Variants in LRRC4C observed in about 807,000 individuals in gnomAD.
LRRC4C encodes leucine-rich repeat-containing protein 4C.
A neutral mutation model predicts 33.6 loss-of-function variants in LRRC4C; 5 were observed. The ratio of observed to expected loss-of-function variants is 0.15; its 90% confidence interval spans 0.08 to 0.31. LRRC4C has a LOEUF of 0.31. LRRC4C is among the 10% of genes least tolerant of loss of function. The pLI is 1.00. For synonymous variants in LRRC4C, 329 were observed against 302.0 expected (o/e 1.09, Z -0.93); for missense variants, 560 against 796.7 (o/e 0.70, Z 3.58).
At chr11:40,744,743 C>T (rs1049733961) in intron 2 of LRRC4C, among the ~76,000 whole-genome samples, 2 of 152,236 alleles carry the variant, frequency 1.3e-5, no homozygotes, top group South Asian at 4.1e-4. Flanking sequence ...AAGGTTATAT[C>T]AATGGCAATG....
chr11:41,427,163 G>T (rs1460176784), intron 1 of LRRC4C, among the ~76,000 whole-genome samples: 1 of 152,134 alleles, frequency 6.6e-6, no homozygotes, highest in Non-Finnish European at 1.5e-5. Flanking sequence ...CTTTCTATAA[G>T]CATTTGAAAT....
At chr11:41,045,508 T>C (rs1242267407) in intron 1 of LRRC4C, among the ~76,000 whole-genome samples, 1 of 152,166 alleles carries the variant, frequency 6.6e-6, no homozygotes, top group Non-Finnish European at 1.5e-5. Context: ...TTTAATCTGT[T>C]ATGTCCAACT....
chr11:41,335,912 CCA>C (rs957692833), intron 1 of LRRC4C, among the ~76,000 whole-genome samples: 16 of 152,124 alleles, frequency 1.1e-4, no homozygotes, highest in African/African-American at 3.4e-4. Flanking sequence ...ATTTGTATTC[CCA>C]CACAGTGTCT....
chr11:40,613,570 A>G (rs2135901589), intron 3 of LRRC4C, among the ~76,000 whole-genome samples: 1 of 151,894 alleles, frequency 6.6e-6, no homozygotes, highest in South Asian at 2.1e-4. Flanking sequence ...GCTGGAAACA[A>G]CTTCTTCCAA....
intron 1 of LRRC4C, among the ~76,000 whole-genome samples, chr11:41,361,254 T>C (rs749377282): frequency 1.3e-5 from 2 of 152,206 alleles, no homozygotes; most frequent in African/African-American, 2.4e-5. Flanking sequence ...TTGTCTATTG[T>C]TGCCATTTTC....
At chr11:40,534,836 A>G (rs1315900687) in intron 3 of LRRC4C, among the ~76,000 whole-genome samples, 1 of 152,208 alleles carries the variant, frequency 6.6e-6, no homozygotes, top group Non-Finnish European at 1.5e-5. Context: ...CTGATGAGTT[A>G]TGAAGGATAA....
chr11:40,397,345 C>A (rs565916447), intron 3 of LRRC4C, among the ~76,000 whole-genome samples: 3 of 151,920 alleles, frequency 2.0e-5, no homozygotes, highest in Admixed American at 1.3e-4. Flanking sequence ...TTTAATATTG[C>A]TGGCAGTCAT....
chr11:41,073,870 A>G (rs540979280), intron 1 of LRRC4C, among the ~76,000 whole-genome samples: 1 of 152,290 alleles, frequency 6.6e-6, no homozygotes, highest in African/African-American at 2.4e-5. Context: ...TAAAGGGCTT[A>G]ACAATAATTA....
At chr11:41,151,931 C>T (rs1331318553) in intron 1 of LRRC4C, among the ~76,000 whole-genome samples, 3 of 151,974 alleles carry the variant, frequency 2.0e-5, no homozygotes, top group Non-Finnish European at 4.4e-5. Context: ...GAATTATTTC[C>T]TTGAATTCTC....
chr11:40,492,658 A>T (rs1335723778), intron 3 of LRRC4C, among the ~76,000 whole-genome samples: 1 of 152,162 alleles, frequency 6.6e-6, no homozygotes, highest in Non-Finnish European at 1.5e-5. Context: ...CTTTCTAGGT[A>T]ATAGAGTCTT....
chr11:40,169,786 C>T (rs1859895705), intron 5 of LRRC4C, among the ~76,000 whole-genome samples: 2 of 152,122 alleles, frequency 1.3e-5, no homozygotes, highest in African/African-American at 2.4e-5. Context: ...TGCAACATCA[C>T]TTTTACAATT....
At chr11:40,465,968 A>T (rs1952631873) in intron 3 of LRRC4C, among the ~76,000 whole-genome samples, 1 of 152,166 alleles carries the variant, frequency 6.6e-6, no homozygotes, top group South Asian at 2.1e-4. Context: ...ACTTGCACTT[A>T]CATGTTTATT....
At chr11:40,121,507 A>T (rs1855823785) in intron 6 of LRRC4C, among the ~76,000 whole-genome samples, 1 of 152,228 alleles carries the variant, frequency 6.6e-6, no homozygotes, top group South Asian at 2.1e-4. Flanking sequence ...TTATCACATC[A>T]AATGAAAATT....
intron 1 of LRRC4C, among the ~76,000 whole-genome samples, chr11:41,107,245 C>T (rs950190402): frequency 6.6e-6 from 1 of 151,822 alleles, no homozygotes; most frequent in African/African-American, 2.4e-5. Context: ...TGATGTTCAG[C>T]CTATATTAAT....
At chr11:40,696,845 A>T (rs1171451059) in intron 2 of LRRC4C, among the ~76,000 whole-genome samples, 1 of 149,078 alleles carries the variant, frequency 6.7e-6, no homozygotes, top group Non-Finnish European at 1.5e-5. Context: ...TAAGAAATAG[A>T]ACAAAATTCT....
At chr11:40,663,495 C>T (rs527373163) in intron 2 of LRRC4C, among the ~76,000 whole-genome samples, 1 of 152,192 alleles carries the variant, frequency 6.6e-6, no homozygotes, top group South Asian at 2.1e-4. Context: ...TATTATAAGA[C>T]AGGTAGAAAT....
intron 1 of LRRC4C, among the ~76,000 whole-genome samples, chr11:41,189,619 T>C (rs778456714): frequency 6.6e-5 from 10 of 152,092 alleles, no homozygotes; most frequent in Non-Finnish European, 1.2e-4. Context: ...AAGGAAAGGT[T>C]TACTCAGAGG....
chr11:40,178,329 A>G (rs1304988671), intron 5 of LRRC4C, among the ~76,000 whole-genome samples: 1 of 152,196 alleles, frequency 6.6e-6, no homozygotes, highest in Non-Finnish European at 1.5e-5. Context: ...AGCAGTTCTG[A>G]AGTGATGAGC....
intron 2 of LRRC4C, among the ~76,000 whole-genome samples, chr11:40,869,016 G>A (rs1180712132): frequency 1.3e-5 from 2 of 152,070 alleles, no homozygotes; most frequent in Non-Finnish European, 2.9e-5. Flanking sequence ...AATAGCTTAA[G>A]TTTACTTTTA....
Sources: allele counts gnomAD v4.1 joint callset (sites outside exome capture counted in the v4.1 genomes callset), GRCh38; gene constraint gnomAD v4.1.1; transcripts MANE v1.5; gene names NCBI Gene and HGNC (gene_info 2026-07-23, HGNC 2026-07-21).